Variants in MARCHF8 observed in about 807,000 individuals in gnomAD.
The protein encoded by MARCHF8 is membrane associated ring-CH-type finger 8.
MARCHF8 carries 40 observed loss-of-function variants against 51.6 expected under a neutral mutation model. That is an observed-to-expected ratio of 0.77 (90% CI 0.60 to 1.01). The LOEUF (loss-of-function observed/expected upper bound fraction) is 1.01, where lower values mean the gene tolerates loss of function less well. Among genes scored for constraint, MARCHF8 ranks in the 50% least tolerant of loss-of-function variants. The pLI is 0.00. For synonymous variants in MARCHF8, 263 were observed against 280.3 expected, an observed-to-expected ratio of 0.94 and a Z score of 0.62; for missense variants, 685 against 708.6, an observed-to-expected ratio of 0.97 and a Z score of 0.38.
At position 45,463,397 on chromosome 10, in the gene MARCHF8, T is replaced by C; in HGVS notation, c.842A>G (p.Glu281Gly). Reference sequence around the variant, plus strand: ...AGTGTGCAGGCGAGCAGCGCAGCTCTCCAGCTCATGGAACCTGTGCAGGCT... The same window carrying C: ...AGTGTGCAGGCGAGCAGCGCAGCTCCCCAGCTCATGGAACCTGTGCAGGCT... Reference protein sequence around the residue: ...ASSLHRFHELESCAARLHTAK... With the variant: ...ASSLHRFHELGSCAARLHTAK... The change falls in exon 5 of 8, where the codon GAG (glutamate) becomes GGG (glycine). Residue 281 changes from glutamate to glycine, a missense_variant. Transcript: ENST00000453424. 6.4e-7 allele frequency: 1 copy of C among 1,550,660 alleles called. No individual in the cohort carries two copies. The highest frequency in any genetic ancestry group is 1.7e-4 in the Middle Eastern group (1 of 5,994).
chr10:45,499,396 C>T (rs746441136), intron 2 of MARCHF8, among the ~76,000 whole-genome samples: 14 of 152,156 alleles, frequency 9.2e-5, no homozygotes, highest in Non-Finnish European at 2.1e-4. Context: ...CCTTTCCACC[C>T]TGTCCACTGT....
intron 3 of MARCHF8, among the ~76,000 whole-genome samples, chr10:45,470,629 C>T (rs941485369): frequency 5.3e-5 from 8 of 152,076 alleles, no homozygotes; most frequent in African/African-American, 1.4e-4. Flanking sequence ...TTTTGGGGGC[C>T]GTTTTAGAAA....
At chr10:45,480,015 G>A (rs2042856870) in intron 3 of MARCHF8, among the ~76,000 whole-genome samples, 1 of 152,198 alleles carries the variant, frequency 6.6e-6, no homozygotes, top group African/African-American at 2.4e-5. Context: ...TATGGACAAT[G>A]AAATCCAGGC....
chr10:45,542,862 T>G (rs537146568), intron 1 of MARCHF8, among the ~76,000 whole-genome samples: 4 of 152,172 alleles, frequency 2.6e-5, no homozygotes, highest in Non-Finnish European at 5.9e-5. Context: ...GGATCATTAT[T>G]TAAGATAATA....
chr10:45,511,963 G>A (rs2043519188), intron 2 of MARCHF8, among the ~76,000 whole-genome samples: 1 of 151,432 alleles, frequency 6.6e-6, no homozygotes, highest in South Asian at 2.1e-4. Flanking sequence ...AGGAAGTGAG[G>A]AGCGTCTCTG....
At position 45,456,329 on chromosome 10, in the gene MARCHF8, C is replaced by G. The variant is rs1176376743; in HGVS notation, c.*1910G>C. 1.2e-4 allele frequency: 19 copies of G among 152,512 alleles called. No homozygotes were observed. The highest frequency in any genetic ancestry group is 2.2e-4 in the Non-Finnish European group (15 of 68,326). The allele number at this position is 152,512 out of a possible 1,614,324, so 9.4% of individuals were successfully genotyped here. A position where few individuals can be genotyped will look rare whatever the true frequency, so the allele number is the denominator to read the frequency against. On this transcript the variant is annotated 3_prime_UTR_variant, in exon 8 of 8. Coordinates refer to ENST00000453424, the MANE Select transcript of MARCHF8 (RefSeq NM_001282866.2). ...CTGGGAGACAGAAAGGAGAGGCTGA[C>G]CTATTCTCAGGAGCTGGCTATGGCT... is the stretch of plus-strand genomic sequence containing the variant.
upstream of MARCHF8, among the ~76,000 whole-genome samples, chr10:45,536,883 A>AATAATAAT (rs1554817163): frequency 1.2e-4 from 15 of 129,336 alleles, no homozygotes; most frequent in Admixed American, 3.9e-4. Context: ...ATAATAATAA[A>AATAATAAT]GACAAATAAC....
At chr10:45,572,892 A>G (rs1158022107) in intron 1 of MARCHF8, among the ~76,000 whole-genome samples, 1 of 151,752 alleles carries the variant, frequency 6.6e-6, no homozygotes. Flanking sequence ...TTTTTTCCTC[A>G]GCCTCCGCCC....
At chr10:45,470,353 T>G (rs1843131178) in intron 3 of MARCHF8, among the ~76,000 whole-genome samples, 1 of 152,190 alleles carries the variant, frequency 6.6e-6, no homozygotes, top group Non-Finnish European at 1.5e-5. Flanking sequence ...TGACTCCACC[T>G]GGGGCAGGCC....
At chr10:45,490,318 T>C (rs962803390) in intron 2 of MARCHF8, among the ~76,000 whole-genome samples, 3 of 152,216 alleles carry the variant, frequency 2.0e-5, no homozygotes, top group South Asian at 2.1e-4. Context: ...AGGTCAATAG[T>C]AGTCCCGGCT....
intron 3 of MARCHF8, among the ~76,000 whole-genome samples, chr10:45,487,812 C>T (rs2043009784): frequency 6.6e-6 from 1 of 151,324 alleles, no homozygotes; most frequent in Non-Finnish European, 1.5e-5. Context: ...TATATGTAGT[C>T]AGCACATTAA....
chr10:45,538,914 CAG>C (rs1430385760), upstream of MARCHF8, among the ~76,000 whole-genome samples: 1 of 152,180 alleles, frequency 6.6e-6, no homozygotes, highest in Non-Finnish European at 1.5e-5. Context: ...ATCAACGAGA[CAG>C]AAAGTTAACA....
intron 1 of MARCHF8, among the ~76,000 whole-genome samples, chr10:45,590,508 T>A (rs2044665835): frequency 6.6e-6 from 1 of 152,182 alleles, no homozygotes; most frequent in Admixed American, 6.5e-5. Context: ...TATCTAGTAG[T>A]TACTGGTGTA....
At chr10:45,465,730 G>C (rs926465986) in intron 3 of MARCHF8, among the ~76,000 whole-genome samples, 1 of 152,220 alleles carries the variant, frequency 6.6e-6, no homozygotes, top group African/African-American at 2.4e-5. Context: ...GCTCTCATCA[G>C]CATGCTTCAT....
At chr10:45,469,047 T>G (rs889321121) in intron 3 of MARCHF8, among the ~76,000 whole-genome samples, 1 of 152,122 alleles carries the variant, frequency 6.6e-6, no homozygotes, top group African/African-American at 2.4e-5. Context: ...TCACCCTAAA[T>G]GCCCATCACC....
In MARCHF8 at chr10:45,549,323, C is replaced by G. The variant is rs1178710889; in HGVS notation, c.-78-16034G>C. On this transcript the variant is annotated intron_variant, in intron 1 of 6. Coordinates refer to the MARCHF8 transcript ENST00000319836. Reference sequence around the variant, plus strand: ...ACTACCCAAAACTTTGTTGCTTGAACAGCCATGATTTCCTATTTCTCATAA... The same window carrying G: ...ACTACCCAAAACTTTGTTGCTTGAAGAGCCATGATTTCCTATTTCTCATAA... Among the ~76,000 whole-genome samples the G allele has an allele frequency of 2.6e-4, 39 of 152,206 alleles. 1 individual carries two copies. Among genetic ancestry groups the G allele is most frequent in the Admixed American group, 2.6e-3 (39 of 15,278 alleles).
chr10:45,475,473 C>A (rs183196749), intron 3 of MARCHF8, among the ~76,000 whole-genome samples: 33 of 152,348 alleles, frequency 2.2e-4, no homozygotes, highest in African/African-American at 7.9e-4. Context: ...GACTGCGCAG[C>A]CCATTCCACC....
chr10:45,529,838 T>C (rs2043848853), intron 2 of MARCHF8, among the ~76,000 whole-genome samples: 1 of 152,200 alleles, frequency 6.6e-6, no homozygotes, highest in African/African-American at 2.4e-5. Context: ...CAGACTGTTG[T>C]TGGGAGTGTA....
chr10:45,576,548 T>C (rs907321738), intron 1 of MARCHF8, among the ~76,000 whole-genome samples: 2 of 152,174 alleles, frequency 1.3e-5, no homozygotes, highest in African/African-American at 4.8e-5. Context: ...TATGAAATCA[T>C]ATTGTTAATA....
Sources: allele counts gnomAD v4.1 joint callset (sites outside exome capture counted in the v4.1 genomes callset), GRCh38; gene constraint gnomAD v4.1.1; transcripts MANE v1.5; gene names NCBI Gene and HGNC (gene_info 2026-07-23, HGNC 2026-07-21).